SOX5: variants seen among roughly 807,000 people sequenced by gnomAD.
SOX5 encodes the protein SRY-box transcription factor 5.
In SOX5, 9 loss-of-function variants were observed where a neutral mutation model predicts 92.0. The observed-to-expected ratio is 0.10, with a 90% CI of 0.06 to 0.17. The LOEUF (loss-of-function observed/expected upper bound fraction) is 0.17, where lower values mean the gene tolerates loss of function less well. Among genes scored for constraint, SOX5 ranks in the 10% least tolerant of loss-of-function variants. SOX5 has a pLI of 1.00. For missense variants in SOX5, 642 were observed against 944.5 expected (o/e 0.68, Z 4.20); for synonymous variants, 344 against 336.3 (o/e 1.02, Z -0.25).
chr12:24,169,063 T>A (rs917826538), intron 4 of SOX5, among the ~76,000 whole-genome samples: 2 of 152,156 alleles, frequency 1.3e-5, no homozygotes, highest in African/African-American at 4.8e-5. Flanking sequence ...GATGTGAAAC[T>A]ACATTGTAGA....
At chr12:23,618,063 A>C (rs749744971) in intron 8 of SOX5, among the ~76,000 whole-genome samples, 1 of 152,160 alleles carries the variant, frequency 6.6e-6, no homozygotes, top group East Asian at 1.9e-4. Context: ...AACACTCTGC[A>C]TCTATTCCTG....
intron 4 of SOX5, among the ~76,000 whole-genome samples, chr12:24,095,090 AAC>A (rs150030739): frequency 0.015 from 1,982 of 131,584 alleles, 21 homozygotes; most frequent in African/African-American, 0.033. Context: ...CTAGCCCCGA[AAC>A]ACACACACAC....
At chr12:23,860,473 T>G (rs2096742705) in intron 2 of SOX5, among the ~76,000 whole-genome samples, 1 of 152,144 alleles carries the variant, frequency 6.6e-6, no homozygotes, top group Non-Finnish European at 1.5e-5. Context: ...AAAAACAGAT[T>G]TGTTAGCAAA....
intron 4 of SOX5, among the ~76,000 whole-genome samples, chr12:24,119,370 AT>A (rs1416028664): frequency 6.6e-6 from 1 of 152,134 alleles, no homozygotes; most frequent in Non-Finnish European, 1.5e-5. Context: ...AATAAGAGGC[AT>A]TATGTTAGGC....
At chr12:23,818,952 T>C (rs1036036316) in intron 3 of SOX5, among the ~76,000 whole-genome samples, 1 of 152,192 alleles carries the variant, frequency 6.6e-6, no homozygotes, top group Non-Finnish European at 1.5e-5. Context: ...TGATCTCCTA[T>C]GATAACAATG....
intron 1 of SOX5, among the ~76,000 whole-genome samples, chr12:24,505,971 T>A (rs893010878): frequency 2.0e-5 from 3 of 152,176 alleles, no homozygotes; most frequent in Non-Finnish European, 4.4e-5. Context: ...TTATAGGATT[T>A]AAGATTTTTT....
Position 23,665,501 on chromosome 12 carries a change from C to A in SOX5, c.874G>T (p.Ala292Ser), listed in dbSNP as rs201164077. Residue 292 changes from alanine to serine, a missense_variant, in exon 7 of 15, where the codon GCA becomes TCA. Physicochemically the swap from Ala to Ser is moderately conservative, Grantham distance 99. Coordinates refer to ENST00000451604, the MANE Select transcript of SOX5 (RefSeq NM_006940.6). ...AGGAGGAATCCTTGCTGGGCAGCTG[C>A]AGCCAGTGTCCGTTGATCAGGAGGG... ...VFPPDQRTLA[A>S]AAQQGFLLPP... 5.4e-5 allele frequency: 87 copies of A among 1,613,482 alleles called. No individual in the cohort carries two copies. The highest frequency in any genetic ancestry group is 6.9e-5 in the Non-Finnish European group (81 of 1,179,620).
chr12:24,531,139 A>T (rs930447294), intron 1 of SOX5, among the ~76,000 whole-genome samples: 2 of 152,218 alleles, frequency 1.3e-5, no homozygotes, highest in Non-Finnish European at 2.9e-5. Context: ...GAGCCAAAAA[A>T]TAAACTCAAA....
chr12:24,214,576 T>C (rs1959020071), intron 3 of SOX5, among the ~76,000 whole-genome samples: 1 of 152,134 alleles, frequency 6.6e-6, no homozygotes. Flanking sequence ...CATTTATTAA[T>C]TATATGTGGG....
At chr12:24,270,698 G>A (rs1943618315) in intron 3 of SOX5, among the ~76,000 whole-genome samples, 1 of 152,118 alleles carries the variant, frequency 6.6e-6, no homozygotes. Context: ...GTAGATATCA[G>A]CACTCCCTGG....
chr12:23,777,612 T>A (rs940245775), intron 3 of SOX5, among the ~76,000 whole-genome samples: 11 of 152,168 alleles, frequency 7.2e-5, no homozygotes, highest in African/African-American at 2.7e-4. Flanking sequence ...AACTTATATA[T>A]GCATGCATAT....
chr12:23,880,249 C>T (rs2137089374), intron 2 of SOX5, among the ~76,000 whole-genome samples: 1 of 152,248 alleles, frequency 6.6e-6, no homozygotes, highest in South Asian at 2.1e-4. Context: ...AGTGATTTAA[C>T]ACCTAGGTTA....
intron 6 of SOX5, among the ~76,000 whole-genome samples, chr12:23,722,948 T>C (rs1257456936): frequency 6.6e-6 from 1 of 152,152 alleles, no homozygotes; most frequent in African/African-American, 2.4e-5. Context: ...CATTCAATTT[T>C]AAAGCATCCT....
chr12:24,146,136 GAACT>G (rs1024625600), intron 4 of SOX5, among the ~76,000 whole-genome samples: 3 of 152,074 alleles, frequency 2.0e-5, no homozygotes, highest in Non-Finnish European at 2.9e-5. Context: ...TGACCATTTT[GAACT>G]AACTGGCATT....
In SOX5 at chr12:24,032,163, G is replaced by A. The variant is rs558849648; in HGVS notation, c.-1-136139C>T. On this transcript the variant is annotated intron_variant, in intron 4 of 4. Coordinates refer to the SOX5 transcript ENST00000446891. ...AACTGTTGGGGAGGAAATAAACTAT[G>A]GGCAAATTATAGTAATACCTAATAT... 2.6e-5 allele frequency among the ~76,000 whole-genome samples: 4 copies of A among 151,684 alleles called. No individual in the cohort carries two copies. In the East Asian group the frequency reaches 7.8e-4, roughly 29 times the overall value.
chr12:24,442,314 T>G (rs75595664), intron 1 of SOX5, among the ~76,000 whole-genome samples: 1 of 152,318 alleles, frequency 6.6e-6, no homozygotes, highest in East Asian at 1.9e-4. Context: ...AAACATTTGT[T>G]TAGTTTCAGG....
chr12:23,536,560 G>A lies in SOX5; in HGVS notation c.1881C>T (p.Pro627=). Residue 627 remains proline, a synonymous_variant, in exon 14 of 15, where the codon CCC becomes CCT. Coordinates refer to ENST00000451604, the MANE Select transcript of SOX5 (RefSeq NM_006940.6). ...LEKYPDYKYK[P]RPKRTCLVDG... ...CCACCAGGCAGGTGCGCTTTGGCCT[G>A]GGCTTGTACTTATAGTCAGGGTACT... 6.2e-7 allele frequency: 1 copy of A among 1,614,164 alleles called. No homozygotes were observed. The highest frequency in any genetic ancestry group is 8.5e-7 in the Non-Finnish European group (1 of 1,180,016).
chr12:23,829,680 G>A (rs945134127), intron 3 of SOX5, among the ~76,000 whole-genome samples: 1 of 152,094 alleles, frequency 6.6e-6, no homozygotes, highest in African/African-American at 2.4e-5. Context: ...AGAAATGCTT[G>A]GGTAAAGAGA....
chr12:24,303,412 G>A (rs577958), intron 2 of SOX5, among the ~76,000 whole-genome samples: 87,433 of 151,954 alleles, frequency 0.58, 25,721 homozygotes, highest in East Asian at 0.91. Flanking sequence ...AATGTCAAGT[G>A]AAACATATTT....
Sources: gnomAD v4.1 joint callset for allele counts (sites outside exome capture counted in the v4.1 genomes callset) on GRCh38, gnomAD v4.1.1 for gene constraint, MANE v1.5 for transcripts, NCBI Gene and HGNC (gene_info 2026-07-23, HGNC 2026-07-21) for gene names.